The following AK5 variants were observed in gnomAD, a reference collection of about 807,000 sequenced individuals.
AK5 encodes adenylate kinase isoenzyme 5.
AK5 carries 27 observed loss-of-function variants against 69.5 expected under a neutral mutation model. The ratio of observed to expected loss-of-function variants is 0.39; its 90% confidence interval spans 0.29 to 0.54. The LOEUF is 0.54. AK5 is among the 20% of genes least tolerant of loss of function. AK5 has a pLI of 0.71. For missense variants in AK5, 531 were observed against 700.4 expected (o/e 0.76, Z 2.73); for synonymous variants, 260 against 244.4 (o/e 1.06, Z -0.60).
chr1:77,379,507 G>T (rs918127077), intron 6 of AK5, among the ~76,000 whole-genome samples: 1 of 152,176 alleles, frequency 6.6e-6, no homozygotes, highest in East Asian at 1.9e-4. Flanking sequence ...AGTGTCCTTT[G>T]TTCCTAGTAA....
rs1286065099 is a variant in AK5, at chr1:77,475,537, A to AAT, written c.1060-7773_1060-7772dup. Among the ~76,000 whole-genome samples, 4 of 103,910 alleles carry AAT rather than the reference A, an allele frequency of 3.8e-5. No homozygotes were observed. The South Asian group carries it at 1.0e-3, about 27-fold the overall frequency. 68.2% of individuals were successfully genotyped at this position (103,910 alleles called of 152,430 possible). A position where few individuals can be genotyped will look rare whatever the true frequency, so the allele number is the denominator to read the frequency against. The stretch of plus-strand genomic sequence containing the variant: ...TATGTATATATATTATATATATACA[A>AAT]ATATATATTATATATATATATGTAT... On this transcript the variant is annotated intron_variant, in intron 8 of 13. Coordinates refer to ENST00000354567, the MANE Select transcript of AK5 (RefSeq NM_174858.3).
intron 8 of AK5, among the ~76,000 whole-genome samples, chr1:77,431,104 CAA>C (rs1342128364): frequency 1.3e-5 from 2 of 151,976 alleles, no homozygotes; most frequent in African/African-American, 4.8e-5. Context: ...GGTGGGAAGT[CAA>C]AGAGTTCCTG....
At chr1:77,425,486 C>T (rs907255975) in intron 8 of AK5, among the ~76,000 whole-genome samples, 2 of 152,112 alleles carry the variant, frequency 1.3e-5, no homozygotes, top group African/African-American at 2.4e-5. Context: ...ACTCAGGAGG[C>T]TGAGGCAGGA....
chr1:77,521,939 G>T lies in AK5; in HGVS notation c.1424G>T (p.Arg475Leu). The T allele has an allele frequency of 1.2e-6, 2 of 1,604,016 alleles. No individual in the cohort carries two copies. Among genetic ancestry groups the T allele is most frequent in the Non-Finnish European group, 1.7e-6 (2 of 1,175,424 alleles). ...GTGAAGCAAGGGGAAGAGTTCGGAC[G>T]CAGGGTGAGTGGTTGTTACGGGCAT... ...REVKQGEEFG[R>L]RIGDPQLVIC... Residue 475 changes from arginine (R) to leucine (L), a missense_variant, in exon 12 of 14, where the codon CGC becomes CTC. Coordinates refer to ENST00000354567, the MANE Select transcript of AK5 (RefSeq NM_174858.3).
At chr1:77,524,037 C>G (rs1002202264) in intron 12 of AK5, among the ~76,000 whole-genome samples, 2 of 152,182 alleles carry the variant, frequency 1.3e-5, no homozygotes, top group African/African-American at 4.8e-5. Flanking sequence ...CTGTGAATTT[C>G]ACTATTCTAG....
chr1:77,355,599 C>T (rs1483774354), intron 6 of AK5, among the ~76,000 whole-genome samples: 1 of 152,088 alleles, frequency 6.6e-6, no homozygotes, highest in Non-Finnish European at 1.5e-5. Flanking sequence ...ACAGATGCCC[C>T]CACTCTGAGG....
chr1:77,471,312 A>G (rs1011302793), intron 8 of AK5, among the ~76,000 whole-genome samples: 3 of 152,160 alleles, frequency 2.0e-5, no homozygotes, highest in Admixed American at 6.5e-5. Context: ...ACAGCTTTAG[A>G]TCTGTCAAAT....
chr1:77,288,915 T>C (rs1421067970), intron 2 of AK5, among the ~76,000 whole-genome samples: 2 of 152,168 alleles, frequency 1.3e-5, no homozygotes, highest in Non-Finnish European at 2.9e-5. Context: ...CAGCACAAAA[T>C]AGCCATGTGG....
chr1:77,492,919 C>G (rs960476104), intron 10 of AK5, among the ~76,000 whole-genome samples: 15 of 152,174 alleles, frequency 9.9e-5, no homozygotes, highest in African/African-American at 3.6e-4. Flanking sequence ...ATGGCCCTGA[C>G]ATGGAGACTG....
intron 13 of AK5, among the ~76,000 whole-genome samples, chr1:77,545,672 A>G (rs182821310): frequency 4.6e-5 from 7 of 152,302 alleles, no homozygotes; most frequent in Admixed American, 4.6e-4. Flanking sequence ...TTGAAGTATA[A>G]CAAGTAAAAC....
At chr1:77,379,446 A>G (rs981312742) in intron 6 of AK5, among the ~76,000 whole-genome samples, 2 of 152,130 alleles carry the variant, frequency 1.3e-5, no homozygotes, top group Non-Finnish European at 2.9e-5. Context: ...AGCGTCAGAG[A>G]TTTGGCCTAG....
intron 6 of AK5, chr1:77,346,184 G>A (rs1222556412): frequency 6.6e-6 from 1 of 152,264 alleles, no homozygotes; most frequent in Non-Finnish European, 1.5e-5. Flanking sequence ...GTCTCAGAGT[G>A]GCAGAGGTGG....
chr1:77,526,778 CTTT>C (rs879389835), intron 12 of AK5, among the ~76,000 whole-genome samples: 1 of 141,196 alleles, frequency 7.1e-6, no homozygotes, highest in Admixed American at 7.1e-5. Context: ...CTGGCCAAGT[CTTT>C]TTTTTTTTTT....
chr1:77,396,172 G>C (rs950553966), intron 6 of AK5, among the ~76,000 whole-genome samples: 1 of 152,166 alleles, frequency 6.6e-6, no homozygotes, highest in Non-Finnish European at 1.5e-5. Flanking sequence ...ACTACCCATA[G>C]AGTTGAGTCA....
In AK5 at chr1:77,282,268, C is replaced by T. The variant is rs752283975; in HGVS notation, c.-46C>T. ...TCAGCCCCGGCTCAGGTCGCCGCAG[C>T]CCGGGAGCCTCCCCGCTTGCGCCCC... is the stretch of plus-strand genomic sequence containing the variant. On this transcript the variant is annotated 5_prime_UTR_variant, in exon 1 of 14. Coordinates refer to ENST00000354567, the MANE Select transcript of AK5 (RefSeq NM_174858.3). 7.2e-6 allele frequency: 11 copies of T among 1,530,296 alleles called. No homozygotes were observed. The South Asian group carries it at 1.4e-4, about 19-fold the overall frequency. The allele number at this position is 1,530,296 out of a possible 1,614,324, so 94.8% of individuals were successfully genotyped here. A position where few individuals can be genotyped will look rare whatever the true frequency, so the allele number is the denominator to read the frequency against.
chr1:77,365,412 G>T (rs111845052), intron 6 of AK5, among the ~76,000 whole-genome samples: 2,513 of 152,284 alleles, frequency 0.017, 71 homozygotes, highest in African/African-American at 0.057. Context: ...CTGGGTTTGG[G>T]CAATGTTATA....
chr1:77,515,074 CAT>C (rs1657559649), intron 10 of AK5, among the ~76,000 whole-genome samples: 1 of 152,196 alleles, frequency 6.6e-6, no homozygotes, highest in African/African-American at 2.4e-5. Flanking sequence ...TTACAGTAAA[CAT>C]AGCATTAGCT....
intron 8 of AK5, among the ~76,000 whole-genome samples, chr1:77,444,324 A>G (rs1446219504): frequency 1.9e-5 from 1 of 53,694 alleles, no homozygotes; most frequent in Non-Finnish European, 3.4e-5. Context: ...ATATATGTGT[A>G]TATATATAGT....
At chr1:77,381,091 TC>T (rs1557546196) in intron 6 of AK5, among the ~76,000 whole-genome samples, 3 of 152,120 alleles carry the variant, frequency 2.0e-5, no homozygotes, top group Admixed American at 6.5e-5. Context: ...ATGTTTGTGT[TC>T]CCCCCCGAAT....
Sources: gnomAD v4.1 joint callset for allele counts (sites outside exome capture counted in the v4.1 genomes callset) on GRCh38, gnomAD v4.1.1 for gene constraint, MANE v1.5 for transcripts, NCBI Gene and HGNC (gene_info 2026-07-23, HGNC 2026-07-21) for gene names.